FMO3: variants seen among roughly 807,000 people sequenced by gnomAD.
FMO3 encodes flavin containing dimethylaniline monoxygenase 3, also known as flavin-containing monooxygenase 3.
In FMO3, 40 loss-of-function variants were observed where a neutral mutation model predicts 39.4. That is an observed-to-expected ratio of 1.02 (90% CI 0.79 to 1.32). FMO3 has a LOEUF of 1.32. FMO3 is among the 40% of genes most tolerant of loss of function. FMO3 has a pLI of 0.00. For synonymous variants in FMO3, 219 were observed against 228.8 expected (o/e 0.96, Z 0.39); for missense variants, 680 against 651.8 (o/e 1.04, Z -0.47).
In FMO3 at chr1:171,114,112, C is replaced by A; in HGVS notation, c.933C>A (p.Ala311=). The A allele has an allele frequency of 6.2e-7, 1 of 1,613,858 alleles. No homozygotes were observed. Among genetic ancestry groups the A allele is most frequent in the Non-Finnish European group, 8.5e-7 (1 of 1,179,856 alleles). ...TGAAGGAATTCACAGAGACCTCGGC[C>A]ATTTTTGAGGATGGGACCATATTTG... ...PNVKEFTETS[A]IFEDGTIFEG... The change falls in exon 7 of 9, where the codon GCC becomes GCA. Residue 311 remains alanine (A), a synonymous_variant. Transcript: ENST00000367755.
intron 5 of FMO3, among the ~76,000 whole-genome samples, chr1:171,109,395 T>A (rs1276290522): frequency 6.6e-6 from 1 of 152,120 alleles, no homozygotes; most frequent in South Asian, 2.1e-4. Flanking sequence ...GCTTCTTGGG[T>A]TTAGGAAATT....
chr1:171,096,021 TATTAATATA>T (rs1654978915), intron 2 of FMO3, among the ~76,000 whole-genome samples: 1 of 71,608 alleles, frequency 1.4e-5, no homozygotes, highest in South Asian at 4.6e-4. Flanking sequence ...ACATATTATA[TATTAATATA>T]TAATATATAT....
chr1:171,115,729 T>C (rs1656118265), intron 7 of FMO3, among the ~76,000 whole-genome samples: 1 of 152,206 alleles, frequency 6.6e-6, no homozygotes, highest in Non-Finnish European at 1.5e-5. Context: ...CTTATGTCCT[T>C]GGTGACTTGT....
At position 171,110,954 on chromosome 1, in the gene FMO3, G is replaced by A; in HGVS notation, c.784G>A (p.Ala262Thr). Residue 262 changes from alanine (A) to threonine (T), a missense_variant, in exon 6 of 9, where the codon GCA becomes ACA. Ala to Thr is a moderately conservative substitution (Grantham distance 58, BLOSUM62 0). Coordinates refer to ENST00000367755, the MANE Select transcript of FMO3 (RefSeq NM_001002294.3). ...CTGGTTGTACGTGAAGCAGATGAAT[G>A]CAAGATTCAAGCATGAAAACTATGG... ...SDWLYVKQMN[A>T]RFKHENYGLM... 6.2e-7 allele frequency: 1 copy of A among 1,613,954 alleles called. No homozygotes were observed. The highest frequency in any genetic ancestry group is 8.5e-7 in the Non-Finnish European group (1 of 1,179,906).
chr1:171,100,053 G>A (rs1655304777), intron 2 of FMO3: 1 of 152,124 alleles, frequency 6.6e-6, no homozygotes, highest in African/African-American at 2.4e-5. Flanking sequence ...CCAAAGTGCT[G>A]GAATTATAGG....
intron 6 of FMO3, among the ~76,000 whole-genome samples, 153 bp from the exon 7 acceptor site, chr1:171,113,854 T>A (rs1005306286): frequency 1.3e-5 from 2 of 152,078 alleles, no homozygotes; most frequent in African/African-American, 4.8e-5. Flanking sequence ...TTGCCTCCCA[T>A]CAATTTTGTT....
chr1:171,114,251 C>T lies in FMO3; in HGVS notation c.1072C>T (p.Pro358Ser), dbSNP rs774485262. ...GATCATTTTATTTAAAGGAGTATTT[C>T]CTCCTCTACTTGAGAAGTCAACCAT... ...NEIILFKGVF[P>S]PLLEKSTIAV... The change falls in exon 7 of 9, where the codon CCT becomes TCT. Residue 358 changes from proline (P) to serine (S), a missense_variant. Physicochemically the swap from Pro to Ser is moderately conservative, Grantham distance 74 (BLOSUM62 -1). Transcript: ENST00000367755. The T allele has an allele frequency of 1.2e-6, 2 of 1,613,810 alleles. No homozygotes were observed. The highest frequency in any genetic ancestry group is 2.2e-5 in the South Asian group (2 of 91,080).
intron 3 of FMO3, 64 bp from the exon 4 acceptor site, chr1:171,107,611 A>C: frequency 7.2e-7 from 1 of 1,380,124 alleles, no homozygotes; most frequent in Non-Finnish European, 1.0e-6. Context: ...CTTTTTTCAT[A>C]CTGTATCTGC....
At chr1:171,101,944 T>C in intron 2 of FMO3, 1 of 350,844 alleles carries the variant, frequency 2.9e-6, no homozygotes, top group Non-Finnish European at 5.6e-6. Flanking sequence ...TATGTATCAA[T>C]TTTTTTCTTT....
At chr1:171,095,874 A>C (rs1424102275) in intron 2 of FMO3, among the ~76,000 whole-genome samples, 2 of 5,228 alleles carry the variant, frequency 3.8e-4, no homozygotes, top group Non-Finnish European at 6.8e-4. Flanking sequence ...AATATATATA[A>C]AATATAATTA....
chr1:171,099,435 GTGATT>G (rs1655256392), intron 2 of FMO3, among the ~76,000 whole-genome samples: 1 of 152,150 alleles, frequency 6.6e-6, no homozygotes, highest in South Asian at 2.1e-4. Flanking sequence ...TAACACACTG[GTGATT>G]CTTAGGGCTT....
intron 1 of FMO3, among the ~76,000 whole-genome samples, chr1:171,091,602 C>A (rs1031542848): frequency 6.6e-6 from 1 of 151,864 alleles, no homozygotes; most frequent in African/African-American, 2.4e-5. Flanking sequence ...CCCCAACACC[C>A]CCCGGAGAGA....
rs1246494438 is a variant in FMO3, at chr1:171,117,364, G to A, written c.1521G>A (p.Lys507=). 2 of 1,612,708 alleles carry A rather than the reference G, an allele frequency of 1.2e-6. No individual in the cohort carries two copies. Among genetic ancestry groups the A allele is most frequent in the Admixed American group, 3.4e-5 (2 of 59,698 alleles). Residue 507 remains lysine (K), a synonymous_variant, in exon 9 of 9, where the codon AAG becomes AAA. Transcript: ENST00000367755. ...MQTRVVGRLQ[K]PCFFFHWLKL... Reference sequence around the variant, plus strand: ...CACGAGTGGTCGGGAGACTTCAGAAGCCTTGCTTCTTTTTCCATTGGCTGA... The same window carrying A: ...CACGAGTGGTCGGGAGACTTCAGAAACCTTGCTTCTTTTTCCATTGGCTGA...
intron 2 of FMO3, among the ~76,000 whole-genome samples, chr1:171,097,167 C>T (rs1337422568): frequency 6.8e-6 from 1 of 147,340 alleles, no homozygotes; most frequent in Non-Finnish European, 1.5e-5. Context: ...ATATGTGCCA[C>T]ATTTTCTTAA....
chr1:171,099,278 T>C (rs1275140823), intron 2 of FMO3, among the ~76,000 whole-genome samples: 2 of 152,188 alleles, frequency 1.3e-5, no homozygotes, highest in African/African-American at 4.8e-5. Context: ...TGTTATAATT[T>C]CTGTTCTTTT....
Position 171,114,285 on chromosome 1 carries a change from T to C in FMO3, c.1106T>C (p.Ile369Thr), listed in dbSNP as rs1165384383. ...CTTGAGAAGTCAACCATAGCAGTGATTGGCTTTGTCCAGTCCCTTGGGGCT... is the reference window on the plus strand; with the variant it reads ...CTTGAGAAGTCAACCATAGCAGTGACTGGCTTTGTCCAGTCCCTTGGGGCT... ...PLLEKSTIAVIGFVQSLGAAI... is the reference protein window; with the variant it reads ...PLLEKSTIAVTGFVQSLGAAI... Residue 369 changes from isoleucine to threonine, a missense_variant, in exon 7 of 9, where the codon ATT becomes ACT. By Grantham distance (89) the Ile-to-Thr change is moderately conservative. Transcript: ENST00000367755. The C allele has an allele frequency of 6.2e-7, 1 of 1,613,838 alleles. No homozygotes were observed. Among genetic ancestry groups the C allele is most frequent in the African/African-American group, 1.3e-5 (1 of 74,912 alleles).
chr1:171,103,865 C>A lies in FMO3; in HGVS notation c.213C>A (p.Asp71Glu). The A allele has an allele frequency of 6.2e-7, 1 of 1,613,652 alleles. No homozygotes were observed. ...NSSKEMMCFPDFPFPDDFPNF... is the reference protein window; with the variant it reads ...NSSKEMMCFPEFPFPDDFPNF... ...CCAAAGAGATGATGTGTTTCCCAGA[C>A]TTCCCATTTCCCGATGACTTCCCCA... The change falls in exon 3 of 9, where the codon GAC (aspartate) becomes GAA (glutamate). Residue 71 changes from aspartate to glutamate, a missense_variant. By Grantham distance (45) the Asp-to-Glu change is conservative. Coordinates refer to ENST00000367755, the MANE Select transcript of FMO3 (RefSeq NM_001002294.3).
At position 171,116,290 on chromosome 1, in the gene FMO3, C is replaced by T. The variant is rs765026592; in HGVS notation, c.1256+10C>T. 4.9e-6 allele frequency: 7 copies of T among 1,443,130 alleles called. No homozygotes were observed. In the South Asian group the frequency reaches 6.9e-5, roughly 14 times the overall value. 89.4% of individuals were successfully genotyped at this position (1,443,130 alleles called of 1,614,324 possible). ...AGAAAAAGCGCAAATGGTAAGAGTA[C>T]CTATTGTAATAGGAGTGTAGGATTT... On this transcript the variant is annotated intron_variant, in intron 8 of 8. Coordinates refer to ENST00000367755, the MANE Select transcript of FMO3 (RefSeq NM_001002294.3).
In FMO3 at chr1:171,114,166, A is replaced by C. The variant is rs1027708744; in HGVS notation, c.987A>C (p.Thr329=). The C allele has an allele frequency of 7.2e-5, 116 of 1,613,966 alleles. No individual in the cohort carries two copies. The highest frequency in any genetic ancestry group is 9.5e-5 in the Non-Finnish European group (112 of 1,179,974). The change falls in exon 7 of 9, where the codon ACA becomes ACC. Residue 329 remains threonine (T), a synonymous_variant. Coordinates refer to ENST00000367755, the MANE Select transcript of FMO3 (RefSeq NM_001002294.3). ...FEGIDCVIFA[T]GYSFAYPFLD... ...GCATTGACTGTGTAATCTTTGCAAC[A>C]GGGTATAGTTTTGCCTACCCCTTCC...
Sources: allele counts gnomAD v4.1 joint callset (sites outside exome capture counted in the v4.1 genomes callset), GRCh38; gene constraint gnomAD v4.1.1; transcripts MANE v1.5; gene names NCBI Gene and HGNC (gene_info 2026-07-23, HGNC 2026-07-21).